The following MAST2 variants were observed in gnomAD, a reference collection of about 807,000 sequenced individuals.
MAST2 encodes the protein microtubule associated serine/threonine kinase 2, also known as microtubule-associated serine/threonine-protein kinase 2.
In MAST2, 70 loss-of-function variants were observed where a neutral mutation model predicts 147.4. The observed-to-expected ratio is 0.47, with a 90% CI of 0.39 to 0.58. The LOEUF (loss-of-function observed/expected upper bound fraction) is 0.58, where lower values mean the gene tolerates loss of function less well. MAST2 is among the 20% of genes least tolerant of loss of function. MAST2 has a pLI of 0.00. For synonymous variants in MAST2, 869 were observed against 896.8 expected (o/e 0.97, Z 0.55); for missense variants, 2,080 against 2,302.3 (o/e 0.90, Z 1.98).
chr1:45,824,115 G>A (rs1003490090), intron 1 of MAST2, among the ~76,000 whole-genome samples: 1 of 152,066 alleles, frequency 6.6e-6, no homozygotes, highest in South Asian at 2.1e-4. Context: ...GGAAGGGTAT[G>A]AATAAAAGGA....
intron 6 of MAST2, among the ~76,000 whole-genome samples, chr1:45,998,659 A>G (rs1271830056): frequency 2.0e-5 from 3 of 152,124 alleles, no homozygotes; most frequent in African/African-American, 7.2e-5. Flanking sequence ...TTATGGTTCC[A>G]GATTTGTAAC....
intron 1 of MAST2, among the ~76,000 whole-genome samples, chr1:45,810,065 C>A (rs949885725): frequency 6.6e-6 from 1 of 152,166 alleles, no homozygotes; most frequent in Non-Finnish European, 1.5e-5. Flanking sequence ...AGAACTATGT[C>A]ATCATTTTGT....
intron 5 of MAST2, among the ~76,000 whole-genome samples, chr1:45,962,960 C>G: frequency 6.6e-6 from 1 of 152,180 alleles, no homozygotes; most frequent in Non-Finnish European, 1.5e-5. Context: ...AGGAAGGGAT[C>G]CAGTTTCAGC....
At chr1:45,917,836 G>A (rs1652817568) in intron 4 of MAST2, among the ~76,000 whole-genome samples, 1 of 152,122 alleles carries the variant, frequency 6.6e-6, no homozygotes, top group Non-Finnish European at 1.5e-5. Context: ...AGAACTCTTA[G>A]GAGGTAAAAA....
At chr1:45,855,678 T>C (rs1645765354) in intron 3 of MAST2, among the ~76,000 whole-genome samples, 1 of 152,144 alleles carries the variant, frequency 6.6e-6, no homozygotes, top group Admixed American at 6.5e-5. Flanking sequence ...TATATAGAAA[T>C]ATGGTTGGTT....
At chr1:45,937,751 CAAAAAAAAAAAAAA>C (rs34830747) in intron 4 of MAST2, among the ~76,000 whole-genome samples, 1 of 73,222 alleles carries the variant, frequency 1.4e-5, no homozygotes, top group Non-Finnish European at 2.5e-5. Flanking sequence ...AACTCCATCT[CAAAAAAAAAAAAAA>C]AAAAAAAAAA....
chr1:45,921,626 A>G (rs1653504344), intron 4 of MAST2, among the ~76,000 whole-genome samples: 2 of 152,168 alleles, frequency 1.3e-5, no homozygotes, highest in Admixed American at 1.3e-4. Context: ...CTGCATCGGG[A>G]CCAGGCGCCA....
chr1:46,019,619 A>T lies in MAST2; in HGVS notation c.1212A>T (p.Ser404=). The T allele has an allele frequency of 1.9e-6, 3 of 1,614,172 alleles. No homozygotes were observed. The East Asian group carries it at 6.7e-5, about 36-fold the overall frequency. Reference sequence around the variant, plus strand: ...AGGCTCATGAGCGCTCAGAGAGCTCAGAAGTGGCTTTTGTGATGCAGCTGG... The same window carrying T: ...AGGCTCATGAGCGCTCAGAGAGCTCTGAAGTGGCTTTTGTGATGCAGCTGG... The part of the protein sequence containing the change: ...LQDAHERSES[S]EVAFVMQLVK... The change falls in exon 11 of 29, where the codon TCA becomes TCT. Residue 404 remains serine, a synonymous_variant. Coordinates refer to ENST00000361297, the MANE Select transcript of MAST2 (RefSeq NM_015112.3).
At chr1:45,946,980 A>G (rs539058477) in intron 4 of MAST2, among the ~76,000 whole-genome samples, 24 of 152,264 alleles carry the variant, frequency 1.6e-4, no homozygotes, top group African/African-American at 5.8e-4. Context: ...GATTTTCTGG[A>G]TACTTGACTT....
chr1:45,969,521 T>G (rs1643821109), intron 5 of MAST2, among the ~76,000 whole-genome samples: 1 of 152,136 alleles, frequency 6.6e-6, no homozygotes, highest in Non-Finnish European at 1.5e-5. Flanking sequence ...TCAGATCAGC[T>G]GCAGCATTTA....
chr1:45,835,412 C>T (rs1645075186), intron 3 of MAST2, among the ~76,000 whole-genome samples: 1 of 152,058 alleles, frequency 6.6e-6, no homozygotes, highest in Non-Finnish European at 1.5e-5. Flanking sequence ...ATGTTCAAGT[C>T]ATGATTACCA....
intron 3 of MAST2, among the ~76,000 whole-genome samples, chr1:45,868,859 T>G (rs1646266628): frequency 6.6e-6 from 1 of 152,174 alleles, no homozygotes; most frequent in Admixed American, 6.5e-5. Context: ...AACCTAATTA[T>G]TTGCTTCTGT....
At position 46,013,314 on chromosome 1, in the gene MAST2, C is replaced by G. The variant is rs547587500; in HGVS notation, c.1188+2375C>G. On this transcript the variant is annotated intron_variant, in intron 10 of 28. Coordinates refer to ENST00000361297, the MANE Select transcript of MAST2 (RefSeq NM_015112.3). The stretch of plus-strand genomic sequence containing the variant: ...GCTTATTCCAGAGCCTAAGATCATA[C>G]ATTTTCAAACAGTCAACAAACATTG... Among the ~76,000 whole-genome samples, 5 of 152,228 alleles carry G rather than the reference C, an allele frequency of 3.3e-5. No individual in the cohort carries two copies. The East Asian group carries it at 9.6e-4, about 29-fold the overall frequency.
At chr1:45,888,713 G>T (rs1570562123) in intron 4 of MAST2, among the ~76,000 whole-genome samples, 6 of 89,186 alleles carry the variant, frequency 6.7e-5, no homozygotes, top group Admixed American at 3.1e-4. Context: ...ATGGAGTCTT[G>T]CTCTCTCGCC....
Position 46,035,235 on chromosome 1 carries a change from CTT to C in MAST2, c.4567_4568del (p.Leu1523GlyfsTer13). Reference protein sequence around the residue: ...ENSQGAQELSLAPHPEVSQSV... With the variant: ...ENSQGAQELSXAPHPEVSQSV... ...ACAGCCAGGGTGCACAGGAGCTGAG[CTT>C]GGCACCTCACCCAGAAGTGAGCCAG... On this transcript the variant is annotated frameshift_variant, in exon 29 of 29. Coordinates refer to ENST00000361297, the MANE Select transcript of MAST2 (RefSeq NM_015112.3). LOFTEE classifies it low-confidence loss of function (END_TRUNC). The surrounding 1 kb of genome is among the most constrained non-coding windows in gnomAD (Gnocchi z 5.5). 2 of 1,614,018 alleles carry C rather than the reference CTT, an allele frequency of 1.2e-6. No individual in the cohort carries two copies. The highest frequency in any genetic ancestry group is 1.7e-6 in the Non-Finnish European group (2 of 1,180,014).
intron 10 of MAST2, among the ~76,000 whole-genome samples, chr1:46,013,846 CGT>C (rs2149250976): frequency 6.6e-6 from 1 of 152,132 alleles, no homozygotes; most frequent in South Asian, 2.1e-4. Flanking sequence ...TTTTTCTTCT[CGT>C]GTGTGTGTAT....
chr1:45,929,848 G>T (rs1654995708), intron 4 of MAST2, among the ~76,000 whole-genome samples: 1 of 151,936 alleles, frequency 6.6e-6, no homozygotes, highest in African/African-American at 2.4e-5. Context: ...ACTAGAACTG[G>T]GATAGCTGAG....
intron 3 of MAST2, among the ~76,000 whole-genome samples, chr1:45,839,813 G>A (rs1473322485): frequency 6.6e-6 from 1 of 152,062 alleles, no homozygotes; most frequent in Non-Finnish European, 1.5e-5. Context: ...TGTGATTATT[G>A]GTATAAGGAT....
chr1:45,850,659 T>G (rs530487830), intron 3 of MAST2, among the ~76,000 whole-genome samples: 20 of 152,246 alleles, frequency 1.3e-4, no homozygotes, highest in African/African-American at 4.6e-4. Flanking sequence ...CCAGTTTCAT[T>G]CTTCTGCATG....
Sources: gnomAD v4.1 joint callset for allele counts (sites outside exome capture counted in the v4.1 genomes callset) on GRCh38, gnomAD v4.1.1 for gene constraint, Gnocchi (gnomAD v3.1) non-coding constraint, MANE v1.5 for transcripts, NCBI Gene and HGNC (gene_info 2026-07-23, HGNC 2026-07-21) for gene names.